Variants in STRC observed in about 807,000 individuals in gnomAD.
STRC encodes the protein stereocilin.
A neutral mutation model predicts 103.5 loss-of-function variants in STRC; 43 were observed. The observed-to-expected ratio is 0.42, with a 90% CI of 0.33 to 0.54. The LOEUF (loss-of-function observed/expected upper bound fraction) is 0.54. Ranked by LOEUF, STRC falls within the 20% of genes least tolerant of loss-of-function variation. STRC has a pLI of 0.14. For synonymous variants in STRC, 186 were observed against 442.3 expected (o/e 0.42, Z 7.27); for missense variants, 499 against 1,088.5 (o/e 0.46, Z 7.62).
chr15:43,617,184 CT>C (rs1205320495), intron 3 of STRC, among the ~76,000 whole-genome samples: 1 of 135,046 alleles, frequency 7.4e-6, no homozygotes, highest in African/African-American at 3.0e-5. Flanking sequence ...ACAGTATCAA[CT>C]CATTTAACCG....
chr15:43,608,096 C>T lies in STRC; in HGVS notation c.3665G>A (p.Arg1222Lys), dbSNP rs532199067. The T allele has an allele frequency of 4.0e-5, 64 of 1,610,016 alleles. 2 individuals carry two copies. The South Asian group carries it at 6.7e-4, about 17-fold the overall frequency. ...CCCTCTCACCAGGCTCCCTCGAACT[C>T]TAGTGGGCAGCTGATAGATCATGTG... Reference protein sequence around the residue: ...VVHMIYQLPTRVRGSLRACIW... With the variant: ...VVHMIYQLPTKVRGSLRACIW... Residue 1222 changes from arginine to lysine, a missense_variant, in exon 17 of 29, where the codon AGA (arginine) becomes AAA (lysine). Physicochemically the swap from Arg to Lys is conservative, Grantham distance 26 (BLOSUM62 2). Transcript: ENST00000450892.
intron 20 of STRC, 87 bp from the exon 21 acceptor site, chr15:43,604,538 G>T: frequency 6.2e-7 from 1 of 1,609,348 alleles, no homozygotes; most frequent in East Asian, 2.2e-5. Flanking sequence ...TAGGATTTCG[G>T]ACACAGGGCT....
At chr15:43,605,078 T>C (rs1349912140) in intron 19 of STRC, 186 bp downstream of exon 19, 3 of 1,066,258 alleles carry the variant, frequency 2.8e-6, no homozygotes, top group Admixed American at 2.2e-5. Context: ...TATGGACAAG[T>C]AACGTGAAGC....
intron 25 of STRC, 65 bp downstream of exon 25, chr15:43,600,807 C>G: frequency 6.2e-7 from 1 of 1,613,550 alleles, no homozygotes; most frequent in African/African-American, 1.3e-5. Flanking sequence ...CCTTCATGAT[C>G]CTTCTTTCCC....
intron 24 of STRC, 32 bp downstream of exon 24, chr15:43,601,364 T>C: frequency 6.2e-7 from 1 of 1,611,888 alleles, no homozygotes; most frequent in Non-Finnish European, 8.5e-7. Context: ...GATGGGTGTT[T>C]GGGAAGCCGT....
At chr15:43,602,651 T>C (rs964720549) in intron 23 of STRC, 2 of 146,402 alleles carry the variant, frequency 1.4e-5, no homozygotes, top group Non-Finnish European at 3.0e-5. Context: ...TTTTTTTTTT[T>C]TTTTTTTTTT....
At chr15:43,601,810 A>T (rs1227317489) in intron 23 of STRC, 1 of 470,922 alleles carries the variant, frequency 2.1e-6, no homozygotes, top group Non-Finnish European at 3.9e-6. Context: ...CATCAGACAC[A>T]GAGACGCTTA....
chr15:43,609,367 G>A (rs1384342262), intron 15 of STRC, 33 bp from the exon 16 acceptor site: 2 of 1,589,708 alleles, frequency 1.3e-6, no homozygotes, highest in African/African-American at 1.4e-5. Flanking sequence ...CCCCTTCCCA[G>A]AAGAGACACT....
In STRC at chr15:43,613,534, C is replaced by T. The variant is rs372593418; in HGVS notation, c.2481-303G>A. Among the ~76,000 whole-genome samples, 28 of 150,260 alleles carry T rather than the reference C, an allele frequency of 1.9e-4. No homozygotes were observed. In the East Asian group the frequency reaches 2.7e-3, roughly 15 times the overall value. On this transcript the variant is annotated intron_variant, in intron 7 of 28. Transcript: ENST00000450892. ...GCTAATTTTTGTAGTTTAATAGAGACGGGGTTTCACCATATTGGCCAGGCT... is the reference window on the plus strand; with the variant it reads ...GCTAATTTTTGTAGTTTAATAGAGATGGGGTTTCACCATATTGGCCAGGCT...
chr15:43,605,436 G>T (rs749094783), intron 18 of STRC, 37 bp from the exon 19 acceptor site: 9 of 1,578,134 alleles, frequency 5.7e-6, no homozygotes, highest in Non-Finnish European at 6.9e-6. Context: ...GATTCAGGTG[G>T]AGCTGGGCCA....
In STRC at chr15:43,604,044, C is replaced by T; in HGVS notation, c.4327G>A (p.Ala1443Thr). Residue 1443 changes from alanine to threonine, a missense_variant, in exon 22 of 29, where the codon GCA becomes ACA. Ala to Thr is a moderately conservative substitution (Grantham distance 58). Transcript: ENST00000450892. ...CREPQLAAKK[A>T]ALVAGVVRPA... Reference sequence around the variant, plus strand: ...CGCACCACCCCTGCTACCAGGGCTGCTTTCTTGGCAGCAAGCTGTGGCTCC... The same window carrying T: ...CGCACCACCCCTGCTACCAGGGCTGTTTTCTTGGCAGCAAGCTGTGGCTCC... 1 of 1,613,356 alleles carries T rather than the reference C, an allele frequency of 6.2e-7. No homozygotes were observed.
At chr15:43,604,623 G>T (rs1479389451) in intron 20 of STRC, 27 bp downstream of exon 20, 1 of 1,613,420 alleles carries the variant, frequency 6.2e-7, no homozygotes, top group African/African-American at 1.3e-5. Context: ...GAATGAGTTA[G>T]AATCTGAAGT....
rs774312182 is a variant in STRC at position 43,604,720 on chromosome 15, G to A, written c.4057C>T (p.Gln1353Ter). 4.0e-5 allele frequency: 64 copies of A among 1,613,346 alleles called. No individual in the cohort carries two copies. Among genetic ancestry groups the A allele is most frequent in the Admixed American group, 2.3e-4 (14 of 59,946 alleles). ...AATGTCTCTCCTAGGCAGAAGCCTT[G>A]CAGCTGACTGAGATGGGACAGCAGG... ...QILLSHLSQL[Q>*]GFCLGETFAT... The change falls in exon 20 of 29, where the codon CAA becomes TAA. Residue 1353 changes from glutamine to a stop codon, truncating the protein, a stop_gained. Transcript: ENST00000450892. LOFTEE classifies it high-confidence loss of function.
In STRC at chr15:43,610,052, G is replaced by A. The variant is rs980796832; in HGVS notation, c.3498+260C>T. 7 of 364,572 alleles carry A rather than the reference G, an allele frequency of 1.9e-5. 1 individual carries two copies. The highest frequency in any genetic ancestry group is 1.7e-4 in the African/African-American group (7 of 41,572). 22.6% of individuals were successfully genotyped at this position (364,572 alleles called of 1,614,324 possible). ...AAACAAAAAAAAAATTTAAAAATTA[G>A]CCAGGCATGGTGGTAACCACCTGTC... On this transcript the variant is annotated intron_variant, in intron 15 of 28. Coordinates refer to ENST00000450892, the MANE Select transcript of STRC (RefSeq NM_153700.2).
chr15:43,603,625 G>A, intron 22 of STRC: 1 of 658,722 alleles, frequency 1.5e-6, no homozygotes, highest in South Asian at 1.8e-5. Flanking sequence ...ATGGAAGACT[G>A]AGGATGTTAT....
chr15:43,600,649 G>C lies in STRC; in HGVS notation c.4878C>G (p.Leu1626=), dbSNP rs12438025. ...QAALFLGTLH[L]QCSEEQLEVL... is the part of the protein sequence containing the mutation. ...CCTCCAGTTGTTCCTCAGAGCACTG[G>C]AGATGCAGGGTGCCGAGGAAGAGAG... The change falls in exon 26 of 29, where the codon CTC becomes CTG. Residue 1626 remains leucine, a synonymous_variant. Transcript: ENST00000450892. 0.13 allele frequency: 208,347 copies of C among 1,611,690 alleles called. 22,363 individuals are homozygous for C. The highest frequency in any genetic ancestry group is 0.5 in the African/African-American group (37,157 of 74,424).
In STRC at chr15:43,600,623, A is replaced by G. The variant is rs1370498166; in HGVS notation, c.4904T>C (p.Val1635Ala). 1.2e-6 allele frequency: 2 copies of G among 1,613,648 alleles called. No individual in the cohort carries two copies. The highest frequency in any genetic ancestry group is 2.7e-5 in the African/African-American group (2 of 74,822). ...AGGCAGTACAAGTAGGTGGGCCAGAACCTCCAGTTGTTCCTCAGAGCACTG... is the reference window on the plus strand; with the variant it reads ...AGGCAGTACAAGTAGGTGGGCCAGAGCCTCCAGTTGTTCCTCAGAGCACTG... ...HLQCSEEQLE[V>A]LAHLLVLPGG... Residue 1635 changes from valine (V) to alanine (A), a missense_variant, in exon 26 of 29, where the codon GTT becomes GCT. Coordinates refer to ENST00000450892, the MANE Select transcript of STRC (RefSeq NM_153700.2).
intron 22 of STRC, among the ~76,000 whole-genome samples, chr15:43,603,745 C>A (rs1382191384): frequency 6.6e-6 from 1 of 151,972 alleles, no homozygotes; most frequent in Non-Finnish European, 1.5e-5. Flanking sequence ...CTTAGCCGAG[C>A]TAGAGCTGAG....
In STRC at chr15:43,603,315, C is replaced by A. The variant is rs1482623890; in HGVS notation, c.4472G>T (p.Cys1491Phe). ...AEMELSDFED[C>F]LTLFAGDPGL... ...TGGGTCTCCTGCAAATAATGTCAGG[C>A]AGTCCTCAAAGTCTGAGAGCTCCAT... Residue 1491 changes from cysteine (C) to phenylalanine (F), a missense_variant, in exon 23 of 29, where the codon TGC becomes TTC. Coordinates refer to ENST00000450892, the MANE Select transcript of STRC (RefSeq NM_153700.2). 11 of 1,613,872 alleles carry A rather than the reference C, an allele frequency of 6.8e-6. No homozygotes were observed. The highest frequency in any genetic ancestry group is 9.3e-6 in the Non-Finnish European group (11 of 1,179,890).
Sources: allele counts gnomAD v4.1 joint callset (sites outside exome capture counted in the v4.1 genomes callset), GRCh38; gene constraint gnomAD v4.1.1; transcripts MANE v1.5; gene names NCBI Gene and HGNC (gene_info 2026-07-23, HGNC 2026-07-21).